The following ATP9B variants were observed in gnomAD, a reference collection of about 807,000 sequenced individuals.
ATP9B encodes the protein ATPase phospholipid transporting 9B.
ATP9B carries 110 observed loss-of-function variants against 146.1 expected under a neutral mutation model. The observed-to-expected ratio is 0.75, with a 90% CI of 0.65 to 0.88. The LOEUF (loss-of-function observed/expected upper bound fraction) is 0.88. ATP9B is among the 40% of genes least tolerant of loss of function. The pLI is 0.00. For synonymous variants in ATP9B, 604 were observed against 569.7 expected, an observed-to-expected ratio of 1.06 and a Z score of -0.86; for missense variants, 1,499 against 1,496.4, an observed-to-expected ratio of 1.00 and a Z score of -0.03.
chr18:79,291,912 G>T lies in ATP9B; in HGVS notation c.1412-11692G>T, dbSNP rs184541239. Among the ~76,000 whole-genome samples the T allele has an allele frequency of 7.2e-5, 11 of 152,118 alleles. No homozygotes were observed. The East Asian group carries it at 2.1e-3, about 29-fold the overall frequency. On this transcript the variant is annotated intron_variant, in intron 13 of 29. Coordinates refer to ENST00000426216, the MANE Select transcript of ATP9B (RefSeq NM_198531.5). ...TCCCCATCCTCCCCTTCCATCGCCC[G>T]TGCCCCAGGCAGCCCCTGGTTACTT...
At chr18:79,119,577 T>C (rs572543648) in intron 4 of ATP9B, among the ~76,000 whole-genome samples, 1 of 152,348 alleles carries the variant, frequency 6.6e-6, no homozygotes, top group East Asian at 1.9e-4. Context: ...TATTTGCGTT[T>C]TAAGATTTTA....
intron 11 of ATP9B, among the ~76,000 whole-genome samples, chr18:79,245,235 TTAAAA>T (rs2095932276): frequency 6.6e-6 from 1 of 152,206 alleles, no homozygotes; most frequent in Admixed American, 6.5e-5. Flanking sequence ...AAAATACTTG[TTAAAA>T]TAAATATAAA....
At chr18:79,158,208 T>G (rs971637220) in intron 7 of ATP9B, among the ~76,000 whole-genome samples, 2 of 151,948 alleles carry the variant, frequency 1.3e-5, no homozygotes, top group Non-Finnish European at 2.9e-5. Context: ...TCAAAATTAT[T>G]TTCTAATTTC....
At chr18:79,124,667 A>G (rs2094250439) in intron 4 of ATP9B, among the ~76,000 whole-genome samples, 1 of 152,224 alleles carries the variant, frequency 6.6e-6, no homozygotes, top group South Asian at 2.1e-4. Flanking sequence ...AGGATACAGC[A>G]ATATTGAGTG....
chr18:79,107,844 G>A (rs1024444478), intron 2 of ATP9B, among the ~76,000 whole-genome samples: 1 of 152,164 alleles, frequency 6.6e-6, no homozygotes, highest in Non-Finnish European at 1.5e-5. Context: ...TGTGGCGGGA[G>A]GTTGAGATCC....
chr18:79,326,649 G>A (rs75099929), intron 15 of ATP9B, among the ~76,000 whole-genome samples: 4,647 of 152,358 alleles, frequency 0.031, 110 homozygotes, highest in Non-Finnish European at 0.039. Context: ...GTGCCCTGCT[G>A]TGTCAAGTTC....
At position 79,123,789 on chromosome 18, in the gene ATP9B, C is replaced by T. The variant is rs117610149; in HGVS notation, c.559-2478C>T. 8.6e-3 allele frequency among the ~76,000 whole-genome samples: 1,316 copies of T among 152,246 alleles called. 9 individuals carry two copies. Among genetic ancestry groups the T allele is most frequent in the Non-Finnish European group, 0.013 (888 of 68,006 alleles). ...AAATTTATAACACATTGATTTTCAA[C>T]TCGGGCACCAAAATAGTAACTTTTA... On this transcript the variant is annotated intron_variant, in intron 4 of 29. Coordinates refer to ENST00000426216, the MANE Select transcript of ATP9B (RefSeq NM_198531.5).
chr18:79,255,599 C>G (rs564931456), intron 12 of ATP9B, among the ~76,000 whole-genome samples: 4 of 152,240 alleles, frequency 2.6e-5, no homozygotes, highest in Non-Finnish European at 5.9e-5. Flanking sequence ...GAATGCCTGT[C>G]TCAGGCAAAG....
At chr18:79,133,151 CAG>C (rs1599788788) in intron 5 of ATP9B, among the ~76,000 whole-genome samples, 1 of 152,172 alleles carries the variant, frequency 6.6e-6, no homozygotes, top group East Asian at 1.9e-4. Context: ...CTCAGCCTCT[CAG>C]AGTGCTGGGA....
At chr18:79,165,756 G>A (rs748345983) in intron 7 of ATP9B, among the ~76,000 whole-genome samples, 2 of 152,086 alleles carry the variant, frequency 1.3e-5, no homozygotes, top group Non-Finnish European at 2.9e-5. Context: ...GCACTTCCTA[G>A]GCTATGGCTG....
intron 28 of ATP9B, 195 bp downstream of exon 28, chr18:79,374,296 C>G: frequency 1.7e-6 from 1 of 591,418 alleles, no homozygotes. Flanking sequence ...GGCCGGTCCC[C>G]TGACAGGAGG....
At chr18:79,170,918 G>A (rs1186849359) in intron 7 of ATP9B, among the ~76,000 whole-genome samples, 1 of 152,154 alleles carries the variant, frequency 6.6e-6, no homozygotes, top group African/African-American at 2.4e-5. Context: ...TCAAAACTTG[G>A]AGGAAAAACC....
At chr18:79,147,852 A>G (rs1001045249) in intron 6 of ATP9B, among the ~76,000 whole-genome samples, 2 of 152,090 alleles carry the variant, frequency 1.3e-5, no homozygotes, top group African/African-American at 4.8e-5. Context: ...GGAAAATAGG[A>G]AGACAAGATA....
chr18:79,311,362 A>G (rs2096651393), intron 15 of ATP9B, among the ~76,000 whole-genome samples: 1 of 151,916 alleles, frequency 6.6e-6, no homozygotes, highest in Non-Finnish European at 1.5e-5. Flanking sequence ...TTTTCTGTAC[A>G]CTTTTCGTGG....
chr18:79,150,145 C>G (rs2094662952), intron 6 of ATP9B, among the ~76,000 whole-genome samples: 1 of 151,810 alleles, frequency 6.6e-6, no homozygotes, highest in Non-Finnish European at 1.5e-5. Flanking sequence ...TCAGGAAATG[C>G]AAATTAAAAC....
chr18:79,199,789 G>C (rs1390069466), intron 9 of ATP9B, among the ~76,000 whole-genome samples: 4 of 149,074 alleles, frequency 2.7e-5, no homozygotes, highest in African/African-American at 9.8e-5. Flanking sequence ...GAAAAATGCA[G>C]ACACACACAC....
intron 12 of ATP9B, among the ~76,000 whole-genome samples, chr18:79,259,146 C>A (rs562786510): frequency 1.3e-5 from 2 of 152,298 alleles, no homozygotes; most frequent in Admixed American, 6.5e-5. Flanking sequence ...CTACTTGATA[C>A]AATTTACCTT....
At chr18:79,188,829 C>G (rs577473716) in intron 8 of ATP9B, among the ~76,000 whole-genome samples, 33 of 151,118 alleles carry the variant, frequency 2.2e-4, no homozygotes, top group African/African-American at 6.8e-4. Context: ...TTAGATCTTT[C>G]TTCAATTTTA....
chr18:79,294,770 C>T (rs918464252), intron 13 of ATP9B, among the ~76,000 whole-genome samples: 2 of 152,080 alleles, frequency 1.3e-5, no homozygotes, highest in African/African-American at 4.8e-5. Flanking sequence ...TACTGACATG[C>T]CCATGGTTGA....
Sources: gnomAD v4.1 joint callset for allele counts (sites outside exome capture counted in the v4.1 genomes callset) on GRCh38, gnomAD v4.1.1 for gene constraint, MANE v1.5 for transcripts, NCBI Gene and HGNC (gene_info 2026-07-23, HGNC 2026-07-21) for gene names.